MRPS9: variants seen among roughly 807,000 people sequenced by gnomAD.
MRPS9 encodes the protein small ribosomal subunit protein uS9m.
Under a neutral mutation model 59.9 loss-of-function variants are expected in MRPS9, and 45 were observed. The ratio of observed to expected loss-of-function variants is 0.75; its 90% confidence interval spans 0.59 to 0.96. The LOEUF (loss-of-function observed/expected upper bound fraction) is 0.96, where lower values mean the gene tolerates loss of function less well. MRPS9 is among the 40% of genes least tolerant of loss of function. The pLI is 0.00. For synonymous variants in MRPS9, 171 were observed against 166.8 expected, an observed-to-expected ratio of 1.03 and a Z score of -0.19; for missense variants, 473 against 481.1, an observed-to-expected ratio of 0.98 and a Z score of 0.16.
intron 4 of MRPS9, among the ~76,000 whole-genome samples, chr2:105,073,323 C>T (rs1680148765): frequency 6.6e-6 from 1 of 152,040 alleles, no homozygotes; most frequent in South Asian, 2.1e-4. Flanking sequence ...TCTATATATC[C>T]CTGCAAAATG....
At chr2:105,063,446 G>A (rs1200498123) in intron 2 of MRPS9, among the ~76,000 whole-genome samples, 1 of 152,204 alleles carries the variant, frequency 6.6e-6, no homozygotes, top group Non-Finnish European at 1.5e-5. Flanking sequence ...AGCAACAGCA[G>A]TAAATACTAA....
intron 2 of MRPS9, among the ~76,000 whole-genome samples, chr2:105,068,916 C>G (rs545106953): frequency 5.9e-5 from 9 of 152,098 alleles, no homozygotes; most frequent in Non-Finnish European, 1.2e-4. Context: ...TGCTTATGTT[C>G]TTTTGTATTC....
At chr2:105,074,213 A>C (rs1680166821) in intron 4 of MRPS9, among the ~76,000 whole-genome samples, 1 of 152,158 alleles carries the variant, frequency 6.6e-6, no homozygotes, top group Non-Finnish European at 1.5e-5. Context: ...ACTGAATATA[A>C]ATGAACTAAA....
chr2:105,053,672 A>G (rs1316301106), intron 2 of MRPS9, among the ~76,000 whole-genome samples: 47 of 152,330 alleles, frequency 3.1e-4, no homozygotes, highest in Admixed American at 2.9e-3. Flanking sequence ...ATTTTAAACA[A>G]TGTATTTAGT....
At chr2:105,049,802 A>C (rs1679676292) in intron 2 of MRPS9, among the ~76,000 whole-genome samples, 1 of 152,170 alleles carries the variant, frequency 6.6e-6, no homozygotes, top group Admixed American at 6.5e-5. Context: ...TTCACTCTTG[A>C]ATTATTATAT....
chr2:105,093,129 A>G (rs1267678440), intron 8 of MRPS9, among the ~76,000 whole-genome samples: 1 of 152,066 alleles, frequency 6.6e-6, no homozygotes, highest in Non-Finnish European at 1.5e-5. Context: ...TTTTATTTCT[A>G]CTAGTTATAT....
chr2:105,064,151 G>A (rs1679954281), intron 2 of MRPS9, among the ~76,000 whole-genome samples: 4 of 152,146 alleles, frequency 2.6e-5, no homozygotes, highest in Admixed American at 2.0e-4. Flanking sequence ...GAACTCTGAG[G>A]AAGCAGCACT....
intron 2 of MRPS9, among the ~76,000 whole-genome samples, chr2:105,051,527 C>T (rs778250864): frequency 2.6e-5 from 4 of 152,230 alleles, no homozygotes; most frequent in African/African-American, 9.6e-5. Flanking sequence ...CTTTGCTCCT[C>T]GAATTTTCAT....
chr2:105,079,718 A>G (rs1388503596), intron 4 of MRPS9, among the ~76,000 whole-genome samples: 4 of 152,314 alleles, frequency 2.6e-5, no homozygotes, highest in African/African-American at 7.2e-5. Flanking sequence ...ATTTGAAACA[A>G]TACAGAAATT....
chr2:105,043,348 G>C (rs1278574301), intron 1 of MRPS9, among the ~76,000 whole-genome samples: 1 of 152,132 alleles, frequency 6.6e-6, no homozygotes, highest in Non-Finnish European at 1.5e-5. Context: ...CTTCATAGTA[G>C]TATCCCAGTT....
At chr2:105,081,398 T>G (rs1479879776) in intron 5 of MRPS9, among the ~76,000 whole-genome samples, 1 of 152,236 alleles carries the variant, frequency 6.6e-6, no homozygotes, top group Non-Finnish European at 1.5e-5. Flanking sequence ...TAGCATTGCC[T>G]TTAGACTGTA....
chr2:105,038,455 T>C (rs1156577142), intron 1 of MRPS9: 3 of 556,258 alleles, frequency 5.4e-6, no homozygotes, highest in Non-Finnish European at 9.5e-6. Context: ...GGAACTTACC[T>C]GAAGGTAGAA....
intron 1 of MRPS9, 30 bp downstream of exon 1, chr2:105,038,257 A>C (rs1359240826): frequency 5.0e-6 from 8 of 1,599,024 alleles, no homozygotes; most frequent in Non-Finnish European, 6.8e-6. Flanking sequence ...GAAGCGGCTT[A>C]CCTCTGCCGC....
chr2:105,096,084 G>A (rs143404885), intron 9 of MRPS9, among the ~76,000 whole-genome samples: 1,580 of 152,226 alleles, frequency 0.01, 23 homozygotes, highest in African/African-American at 0.036. Context: ...ATAGATTTAT[G>A]AGTTTTTTGT....
Position 105,079,978 on chromosome 2 carries a change from A to G in MRPS9, c.410-5A>G. On this transcript the variant is annotated splice_region_variant and splice_polypyrimidine_tract_variant and intron_variant, in intron 4 of 10. Coordinates refer to ENST00000258455, the MANE Select transcript of MRPS9 (RefSeq NM_182640.3). ...ATTTGCTTTCATCTGGCTTTTTTAAATCAGCAATCCAGTGGGGAGAAGATG... is the reference window on the plus strand; with the variant it reads ...ATTTGCTTTCATCTGGCTTTTTTAAGTCAGCAATCCAGTGGGGAGAAGATG... The G allele has an allele frequency of 6.2e-7, 1 of 1,608,922 alleles. No homozygotes were observed.
chr2:105,059,517 A>T lies in MRPS9; in HGVS notation c.315+10167A>T, dbSNP rs146377499. Reference sequence around the variant, plus strand: ...GGCTAGCAGGATTGTTTTGAAGCTTATGGAAAAACCATTAACTGAGTCCCA... The same window carrying T: ...GGCTAGCAGGATTGTTTTGAAGCTTTTGGAAAAACCATTAACTGAGTCCCA... On this transcript the variant is annotated intron_variant, in intron 2 of 10. Transcript: ENST00000258455. Among the ~76,000 whole-genome samples the T allele has an allele frequency of 4.0e-3, 609 of 152,264 alleles. 3 individuals carry two copies. Among genetic ancestry groups the T allele is most frequent in the Non-Finnish European group, 6.3e-3 (427 of 68,026 alleles).
intron 2 of MRPS9, among the ~76,000 whole-genome samples, chr2:105,057,046 G>C (rs1679803907): frequency 6.6e-6 from 1 of 152,034 alleles, no homozygotes; most frequent in Admixed American, 6.6e-5. Context: ...AAAAAGTAAA[G>C]TATTATAACT....
At chr2:105,042,299 G>T (rs1361534277) in intron 1 of MRPS9, among the ~76,000 whole-genome samples, 2 of 152,210 alleles carry the variant, frequency 1.3e-5, no homozygotes, top group African/African-American at 4.8e-5. Context: ...TTAGATTCTT[G>T]CAGGCTGTCG....
chr2:105,087,948 C>G (rs972621920), intron 5 of MRPS9, among the ~76,000 whole-genome samples: 2 of 152,006 alleles, frequency 1.3e-5, no homozygotes, highest in African/African-American at 4.8e-5. Context: ...ACTTTATCAG[C>G]AACATTATGT....
Sources: allele counts gnomAD v4.1 joint callset (sites outside exome capture counted in the v4.1 genomes callset), GRCh38; gene constraint gnomAD v4.1.1; transcripts MANE v1.5; gene names NCBI Gene and HGNC (gene_info 2026-07-23, HGNC 2026-07-21).